BICRAL: variants seen among roughly 807,000 people sequenced by gnomAD.
BICRAL encodes BICRA like chromatin remodeling complex associated protein.
Under a neutral mutation model 91.8 loss-of-function variants are expected in BICRAL, and 8 were observed. That is an observed-to-expected ratio of 0.09 (90% CI 0.05 to 0.16). The LOEUF (loss-of-function observed/expected upper bound fraction) is 0.16, where lower values mean the gene tolerates loss of function less well. BICRAL is among the 10% of genes least tolerant of loss of function. The pLI is 1.00. For missense variants in BICRAL, 1,038 were observed against 1,310.9 expected, an observed-to-expected ratio of 0.79 and a Z score of 3.21; for synonymous variants, 445 against 491.1, an observed-to-expected ratio of 0.91 and a Z score of 1.24.
chr6:42,792,324 C>A (rs1763297960), intron 1 of BICRAL, among the ~76,000 whole-genome samples: 1 of 152,034 alleles, frequency 6.6e-6, no homozygotes, highest in South Asian at 2.1e-4. Flanking sequence ...GGTTGAAGTC[C>A]AGTGGCGTGA....
At chr6:42,768,805 G>A (rs566891225) in intron 1 of BICRAL, among the ~76,000 whole-genome samples, 2 of 152,214 alleles carry the variant, frequency 1.3e-5, no homozygotes, top group South Asian at 4.1e-4. Context: ...TAGCCTTGTA[G>A]TCTGCTCCTC....
chr6:42,764,345 A>G (rs911490197), intron 1 of BICRAL, among the ~76,000 whole-genome samples: 1 of 151,360 alleles, frequency 6.6e-6, no homozygotes, highest in African/African-American at 2.4e-5. Context: ...TGAGCCTAGG[A>G]GTTCAAGACC....
At chr6:42,751,645 C>CTTTCT (rs1225087073) in intron 1 of BICRAL, among the ~76,000 whole-genome samples, 8 of 140,644 alleles carry the variant, frequency 5.7e-5, no homozygotes, top group South Asian at 2.2e-4. Flanking sequence ...GACCCTTTTT[C>CTTTCT]TTTCTTTTCT....
chr6:42,761,005 C>A (rs1762535189), intron 1 of BICRAL, among the ~76,000 whole-genome samples: 2 of 149,294 alleles, frequency 1.3e-5, no homozygotes, highest in South Asian at 4.2e-4. Context: ...CTGATCACGC[C>A]ACTGCATTTC....
chr6:42,757,662 C>T (rs1183461475), intron 1 of BICRAL, among the ~76,000 whole-genome samples: 2 of 152,238 alleles, frequency 1.3e-5, no homozygotes, highest in Non-Finnish European at 2.9e-5. Flanking sequence ...GCTGGGATTA[C>T]AGGCATGAGC....
intron 1 of BICRAL, among the ~76,000 whole-genome samples, chr6:42,752,990 A>C (rs1188408561): frequency 6.9e-6 from 1 of 144,046 alleles, no homozygotes; most frequent in African/African-American, 2.6e-5. Context: ...GCAGTGGTGC[A>C]ATCTCGGCTC....
At chr6:42,765,019 A>G (rs2113836456) in intron 1 of BICRAL, among the ~76,000 whole-genome samples, 1 of 152,320 alleles carries the variant, frequency 6.6e-6, no homozygotes, top group African/African-American at 2.4e-5. Context: ...CTTGCACTTT[A>G]TGGGGCTCAG....
intron 1 of BICRAL, among the ~76,000 whole-genome samples, chr6:42,793,174 C>T (rs1462474728): frequency 1.1e-4 from 9 of 80,492 alleles, no homozygotes; most frequent in African/African-American, 1.8e-4. Flanking sequence ...GACAGAGTCT[C>T]GCTCTGTTAC....
intron 1 of BICRAL, among the ~76,000 whole-genome samples, chr6:42,774,004 G>A (rs1374143867): frequency 2.0e-5 from 3 of 152,196 alleles, no homozygotes; most frequent in East Asian, 1.9e-4. Flanking sequence ...GAAAAAACCC[G>A]TCCAGATGTG....
intron 1 of BICRAL, among the ~76,000 whole-genome samples, chr6:42,790,441 G>T (rs1455067408): frequency 7.0e-6 from 1 of 142,844 alleles, no homozygotes; most frequent in Non-Finnish European, 1.5e-5. Context: ...CTCCCAAAGT[G>T]CTGGGATTAC....
intron 1 of BICRAL, among the ~76,000 whole-genome samples, chr6:42,803,551 C>T (rs1412436289): frequency 5.9e-5 from 9 of 152,184 alleles, no homozygotes; most frequent in Admixed American, 4.6e-4. Flanking sequence ...TGACATTAAC[C>T]CTAAAAATGT....
chr6:42,757,512 A>G (rs1477048310), intron 1 of BICRAL, among the ~76,000 whole-genome samples: 12 of 152,166 alleles, frequency 7.9e-5, no homozygotes, highest in Admixed American at 7.9e-4. Flanking sequence ...TCGGCCTCCC[A>G]TAGTGCTGGG....
rs75875509 is a variant in BICRAL, at chr6:42,835,549, TAA to T, written c.1839+5390_1839+5391del. Among the ~76,000 whole-genome samples the T allele has an allele frequency of 7.2e-3, 1,052 of 145,132 alleles. 4 individuals are homozygous for T. Among genetic ancestry groups the T allele is most frequent in the African/African-American group, 0.023 (924 of 39,818 alleles). ...GGCTAATCCATGTTTTAAACCATTGTAAAAAAAAAAAAAACTATTAATTAGAC... is the reference window on the plus strand; with the variant it reads ...GGCTAATCCATGTTTTAAACCATTGTAAAAAAAAAAAACTATTAATTAGAC... On this transcript the variant is annotated intron_variant, in intron 6 of 12. Transcript: ENST00000314073.
intron 1 of BICRAL, among the ~76,000 whole-genome samples, chr6:42,789,762 CTCT>C (rs1357011482): frequency 6.6e-6 from 1 of 151,972 alleles, no homozygotes. Flanking sequence ...GAGAAAGTAT[CTCT>C]TCTTATCATG....
intron 1 of BICRAL, among the ~76,000 whole-genome samples, chr6:42,787,642 A>AGG (rs948339555): frequency 6.6e-6 from 1 of 152,172 alleles, no homozygotes; most frequent in Non-Finnish European, 1.5e-5. Context: ...TTCAAGAAAG[A>AGG]GGGAATGGTC....
At chr6:42,783,574 G>A (rs1451260221) in intron 1 of BICRAL, among the ~76,000 whole-genome samples, 2 of 152,188 alleles carry the variant, frequency 1.3e-5, no homozygotes, top group Non-Finnish European at 2.9e-5. Flanking sequence ...GGCGCCGCGA[G>A]GCCCGGGGCT....
At chr6:42,795,689 T>C in intron 1 of BICRAL, among the ~76,000 whole-genome samples, 1 of 152,252 alleles carries the variant, frequency 6.6e-6, no homozygotes, top group African/African-American at 2.4e-5. Flanking sequence ...TATATGCACC[T>C]TTAAAATATG....
At chr6:42,816,345 C>G (rs1763994983) in intron 2 of BICRAL, among the ~76,000 whole-genome samples, 3 of 150,758 alleles carry the variant, frequency 2.0e-5, no homozygotes, top group African/African-American at 7.3e-5. Context: ...GAAACCCTGT[C>G]TCTTCAAAAA....
intron 6 of BICRAL, among the ~76,000 whole-genome samples, chr6:42,849,652 G>A (rs1412572610): frequency 1.3e-5 from 2 of 150,776 alleles, no homozygotes; most frequent in Admixed American, 1.3e-4. Flanking sequence ...AGTTAGCCAG[G>A]ATTGTCTCTG....
Sources: gnomAD v4.1 joint callset for allele counts (sites outside exome capture counted in the v4.1 genomes callset) on GRCh38, gnomAD v4.1.1 for gene constraint, MANE v1.5 for transcripts, NCBI Gene and HGNC (gene_info 2026-07-23, HGNC 2026-07-21) for gene names.